The following TRIM27 variants were observed in gnomAD, a reference collection of about 807,000 sequenced individuals.
TRIM27 encodes tripartite motif containing 27, also known as zinc finger protein RFP.
Under a neutral mutation model 57.6 loss-of-function variants are expected in TRIM27, and 12 were observed. That is an observed-to-expected ratio of 0.21 (90% CI 0.13 to 0.34). The LOEUF (loss-of-function observed/expected upper bound fraction) is 0.34. TRIM27 is among the 10% of genes least tolerant of loss of function. The pLI is 1.00. For missense variants in TRIM27, 403 were observed against 656.8 expected, an observed-to-expected ratio of 0.61 and a Z score of 4.22; for synonymous variants, 266 against 259.0, an observed-to-expected ratio of 1.03 and a Z score of -0.26.
chr6:28,922,537 G>A (rs1774126486), intron 1 of TRIM27, among the ~76,000 whole-genome samples: 1 of 152,168 alleles, frequency 6.6e-6, no homozygotes, highest in South Asian at 2.1e-4. Context: ...CATTCCTGAA[G>A]CCCTCAACGT....
intron 3 of TRIM27, chr6:28,915,132 T>G (rs1773506312): frequency 1.3e-5 from 2 of 152,034 alleles, no homozygotes; most frequent in African/African-American, 4.8e-5. Context: ...ATTGCCCCAT[T>G]AAGTAATATT....
At chr6:28,919,827 G>C (rs1275821341) in intron 3 of TRIM27, among the ~76,000 whole-genome samples, 185 bp downstream of exon 3, 1 of 152,244 alleles carries the variant, frequency 6.6e-6, no homozygotes, top group Non-Finnish European at 1.5e-5. Context: ...ACTAATTCAA[G>C]TTGTGTGAAC....
intron 4 of TRIM27, among the ~76,000 whole-genome samples, chr6:28,909,456 G>A (rs1773018421): frequency 6.6e-6 from 1 of 152,128 alleles, no homozygotes; most frequent in Non-Finnish European, 1.5e-5. Context: ...ACTAGGACAG[G>A]GGCTAAGTTA....
At chr6:28,921,795 C>A (rs1562181689) in intron 2 of TRIM27, 97 bp downstream of exon 2, 2 of 978,850 alleles carry the variant, frequency 2.0e-6, no homozygotes, top group African/African-American at 3.2e-5. Context: ...CCTACAAGTT[C>A]TGGGTGACAT....
intron 4 of TRIM27, chr6:28,911,261 A>T (rs1021848799): frequency 1.3e-5 from 2 of 156,386 alleles, no homozygotes; most frequent in Non-Finnish European, 2.8e-5. Flanking sequence ...AATAAGAGCC[A>T]GAATCCAGGT....
At chr6:28,921,224 T>C (rs1283963615) in intron 2 of TRIM27, among the ~76,000 whole-genome samples, 1 of 151,742 alleles carries the variant, frequency 6.6e-6, no homozygotes, top group African/African-American at 2.4e-5. Flanking sequence ...CTACTAAAAA[T>C]ACAAAAATTA....
rs1195543231 is a variant in TRIM27 at position 28,923,774 on chromosome 6, C to G, written c.-142G>C. 11 of 913,364 alleles carry G rather than the reference C, an allele frequency of 1.2e-5. No individual in the cohort carries two copies. The highest frequency in any genetic ancestry group is 1.6e-5 in the Non-Finnish European group (10 of 631,822). 56.6% of individuals were successfully genotyped at this position (913,364 alleles called of 1,614,324 possible). A position where few individuals can be genotyped will look rare whatever the true frequency, so the allele number is the denominator to read the frequency against. ...GGCGGCGCCTCCCGGGCCCGTATCC[C>G]AGACGCGCCCGCGCACCGAAGGCTT... On this transcript the variant is annotated 5_prime_UTR_variant, in exon 1 of 8. Transcript: ENST00000377199.
intron 4 of TRIM27, among the ~76,000 whole-genome samples, chr6:28,909,732 C>G (rs1247510855): frequency 6.6e-6 from 1 of 152,304 alleles, no homozygotes; most frequent in East Asian, 1.9e-4. Context: ...TTCTCAGGTT[C>G]CCAAATATGG....
In TRIM27 at chr6:28,920,077, G is replaced by T; in HGVS notation, c.682C>A (p.His228Asn). Residue 228 changes from histidine (H) to asparagine (N), a missense_variant, in exon 3 of 8, where the codon CAC (histidine) becomes AAC (asparagine). Physicochemically the swap from His to Asn is moderately conservative, Grantham distance 68 (BLOSUM62 1). Transcript: ENST00000377199. Reference protein sequence around the residue: ...AITQFSCNISHLSSLIAQLEE... With the variant: ...AITQFSCNISNLSSLIAQLEE... ...AGCTGAGCGATCAGGCTGCTGAGGTGGGAGATGTTGCAAGAGAACTGGGTG... is the reference window on the plus strand; with the variant it reads ...AGCTGAGCGATCAGGCTGCTGAGGTTGGAGATGTTGCAAGAGAACTGGGTG... 6.2e-7 allele frequency: 1 copy of T among 1,614,212 alleles called. No homozygotes were observed. The highest frequency in any genetic ancestry group is 2.2e-5 in the East Asian group (1 of 44,886).
chr6:28,903,825 G>C lies in TRIM27; in HGVS notation c.*245C>G. ...CTCCAGCGATGTGTAAAACCAGAAAGTATGAAACACTGGAGGTGGACATCT... is the reference window on the plus strand; with the variant it reads ...CTCCAGCGATGTGTAAAACCAGAAACTATGAAACACTGGAGGTGGACATCT... On this transcript the variant is annotated 3_prime_UTR_variant, in exon 8 of 8. Coordinates refer to ENST00000377199, the MANE Select transcript of TRIM27 (RefSeq NM_006510.5). The C allele has an allele frequency of 3.6e-6, 2 of 558,846 alleles. No individual in the cohort carries two copies. The highest frequency in any genetic ancestry group is 3.2e-6 in the Non-Finnish European group (1 of 314,574). 34.6% of individuals were successfully genotyped at this position (558,846 alleles called of 1,614,324 possible).
intron 4 of TRIM27, 38 bp from the exon 5 acceptor site, chr6:28,909,126 TGAGA>T (rs1461552780): frequency 3.6e-6 from 5 of 1,383,572 alleles, no homozygotes; most frequent in East Asian, 2.3e-5. Context: ...TTTTTTTTTT[TGAGA>T]TGGAGTTTCG....
chr6:28,916,784 C>T (rs1350638821), intron 3 of TRIM27, among the ~76,000 whole-genome samples: 3 of 151,864 alleles, frequency 2.0e-5, no homozygotes, highest in East Asian at 3.9e-4. Context: ...CTACTTTGTG[C>T]CAGAGTTTTA....
intron 3 of TRIM27, among the ~76,000 whole-genome samples, chr6:28,916,283 T>G (rs1192896620): frequency 6.6e-6 from 1 of 151,740 alleles, no homozygotes; most frequent in African/African-American, 2.4e-5. Flanking sequence ...CCGGGCGTGG[T>G]GGCTCACACC....
intron 7 of TRIM27, 114 bp downstream of exon 7, chr6:28,907,122 C>G (rs1220283400): frequency 1.0e-6 from 1 of 984,254 alleles, no homozygotes; most frequent in Non-Finnish European, 1.5e-6. Flanking sequence ...CATCTTTATA[C>G]ATGTAACCAA....
chr6:28,914,026 T>G (rs1432989189), intron 3 of TRIM27, among the ~76,000 whole-genome samples: 2 of 148,954 alleles, frequency 1.3e-5, no homozygotes, highest in African/African-American at 5.0e-5. Context: ...TACCTATGTT[T>G]TTTTTTTTTT....
chr6:28,922,182 A>C (rs1774095862), intron 1 of TRIM27, among the ~76,000 whole-genome samples, 195 bp from the exon 2 acceptor site: 1 of 152,194 alleles, frequency 6.6e-6, no homozygotes, highest in African/African-American at 2.4e-5. Flanking sequence ...ATCTGTGTCT[A>C]TCTTAGCAGC....
At position 28,922,293 on chromosome 6, in the gene TRIM27, G is replaced by A. The variant is rs140475176; in HGVS notation, c.421-306C>T. On this transcript the variant is annotated intron_variant, in intron 1 of 7. Coordinates refer to ENST00000377199, the MANE Select transcript of TRIM27 (RefSeq NM_006510.5). ...CTGGTAGGATATTGCATGACTTAGC[G>A]GAACTGTGACTGGAGTAGGAGGCTT... 5.0e-3 allele frequency among the ~76,000 whole-genome samples: 762 copies of A among 152,272 alleles called. 6 individuals carry two copies. The highest frequency in any genetic ancestry group is 0.017 in the African/African-American group (689 of 41,556).
Position 28,904,724 on chromosome 6 carries a change from C to G in TRIM27, c.947-59G>C. 7.4e-7 allele frequency: 1 copy of G among 1,351,182 alleles called. No individual in the cohort carries two copies. The highest frequency in any genetic ancestry group is 1.0e-6 in the Non-Finnish European group (1 of 999,934). The allele number at this position is 1,351,182 out of a possible 1,614,324, so 83.7% of individuals were successfully genotyped here. On this transcript the variant is annotated intron_variant, in intron 7 of 7. Coordinates refer to ENST00000377199, the MANE Select transcript of TRIM27 (RefSeq NM_006510.5). This position sits in a 1 kb window ranked among gnomAD's most constrained non-coding sequence, Gnocchi z 6.1. The stretch of plus-strand genomic sequence containing the variant: ...GCCAGGAGAGCCTATTTTAGAACAC[C>G]CAGCGCCTTTCTACTACCTCCCCAA...
chr6:28,913,866 A>C (rs1476843327), intron 3 of TRIM27, among the ~76,000 whole-genome samples: 1 of 151,660 alleles, frequency 6.6e-6, no homozygotes, highest in Non-Finnish European at 1.5e-5. Context: ...GCAAATATTC[A>C]ATTTTAATAC....
Sources: gnomAD v4.1 joint callset for allele counts (sites outside exome capture counted in the v4.1 genomes callset) on GRCh38, gnomAD v4.1.1 for gene constraint, Gnocchi (gnomAD v3.1) non-coding constraint, MANE v1.5 for transcripts, NCBI Gene and HGNC (gene_info 2026-07-23, HGNC 2026-07-21) for gene names.